The following GPR158 variants were observed in gnomAD, a reference collection of about 807,000 sequenced individuals.
GPR158 encodes G protein-coupled receptor 158.
GPR158 carries 30 observed loss-of-function variants against 78.2 expected under a neutral mutation model. That is an observed-to-expected ratio of 0.38 (90% confidence interval 0.29 to 0.52). GPR158 has a LOEUF of 0.52. Among genes scored for constraint, GPR158 ranks in the 20% least tolerant of loss-of-function variants. The probability of loss-of-function intolerance (pLI) is 0.83; values close to 1 mark genes in which losing one functional copy is unlikely to be tolerated. For missense variants in GPR158, 1,463 were observed against 1,523.5 expected, an observed-to-expected ratio of 0.96 and a Z score of 0.66; for synonymous variants, 581 against 591.1, an observed-to-expected ratio of 0.98 and a Z score of 0.25.
chr10:25,301,223 G>T (rs896571557), intron 2 of GPR158, among the ~76,000 whole-genome samples: 1 of 152,140 alleles, frequency 6.6e-6, no homozygotes. Context: ...ATTCTGTAAG[G>T]TTTTTCAACG....
At chr10:25,247,922 A>G (rs1373614387) in intron 2 of GPR158, among the ~76,000 whole-genome samples, 5 of 149,056 alleles carry the variant, frequency 3.4e-5, no homozygotes, top group Non-Finnish European at 6.0e-5. Flanking sequence ...ACTAGTTTAC[A>G]GTCCCACCAA....
At chr10:25,442,574 A>T (rs1835082683) in intron 4 of GPR158, among the ~76,000 whole-genome samples, 1 of 151,900 alleles carries the variant, frequency 6.6e-6, no homozygotes, top group Non-Finnish European at 1.5e-5. Context: ...CAGTATATTA[A>T]TACGTCAGTA....
chr10:25,326,166 C>T (rs571169699), intron 2 of GPR158, among the ~76,000 whole-genome samples: 2 of 152,246 alleles, frequency 1.3e-5, no homozygotes, highest in South Asian at 4.1e-4. Context: ...TCTCATTGTT[C>T]AGCGACCATT....
intron 5 of GPR158, among the ~76,000 whole-genome samples, chr10:25,521,860 C>A (rs1445006075): frequency 6.6e-6 from 1 of 152,046 alleles, no homozygotes; most frequent in African/African-American, 2.4e-5. Flanking sequence ...AAAACTGCTG[C>A]CAAAAGGTAT....
intron 4 of GPR158, among the ~76,000 whole-genome samples, chr10:25,456,048 T>A (rs1284655891): frequency 7.2e-5 from 11 of 152,218 alleles, no homozygotes; most frequent in Non-Finnish European, 8.8e-5. Flanking sequence ...GTTTTCATCA[T>A]CTTTGCATCT....
intron 5 of GPR158, among the ~76,000 whole-genome samples, chr10:25,525,897 A>C (rs1023021023): frequency 1.3e-5 from 2 of 152,090 alleles, no homozygotes; most frequent in African/African-American, 4.8e-5. Flanking sequence ...ACCTGAGGTC[A>C]GGAGTTCGAG....
rs547410603 is a variant in GPR158 at position 25,329,657 on chromosome 10, T to C, written c.1009-66254T>C. Among the ~76,000 whole-genome samples, 13 of 151,782 alleles carry C rather than the reference T, an allele frequency of 8.6e-5. No individual in the cohort carries two copies. The South Asian group carries it at 2.7e-3, about 32-fold the overall frequency. ...TATTCCAGAAAAACAAGAGTAAATG[T>C]GGATATTAAAGGAAATAAAGACAAA... On this transcript the variant is annotated intron_variant, in intron 2 of 10. Transcript: ENST00000376351.
chr10:25,362,003 G>A (rs555828780), intron 2 of GPR158, among the ~76,000 whole-genome samples: 1 of 151,826 alleles, frequency 6.6e-6, no homozygotes, highest in South Asian at 2.1e-4. Flanking sequence ...TTTATTTTTG[G>A]TTGTGTTGTC....
intron 2 of GPR158, among the ~76,000 whole-genome samples, chr10:25,374,251 G>GT (rs950117156): frequency 1.3e-4 from 19 of 151,082 alleles, no homozygotes; most frequent in African/African-American, 2.4e-4. Context: ...ATAATATGTA[G>GT]TTTTTTTTAT....
At chr10:25,431,022 T>G (rs1425955565) in intron 4 of GPR158, among the ~76,000 whole-genome samples, 3 of 145,642 alleles carry the variant, frequency 2.1e-5, no homozygotes, top group African/African-American at 7.6e-5. Context: ...GGGATCTAAT[T>G]AAATTAAAGA....
At chr10:25,337,354 A>C (rs944211057) in intron 2 of GPR158, among the ~76,000 whole-genome samples, 2 of 152,076 alleles carry the variant, frequency 1.3e-5, no homozygotes, top group Non-Finnish European at 2.9e-5. Flanking sequence ...CACATTTCTA[A>C]CACCATAGAT....
chr10:25,267,913 G>A (rs1854064690), intron 2 of GPR158, among the ~76,000 whole-genome samples: 1 of 151,980 alleles, frequency 6.6e-6, no homozygotes, highest in Non-Finnish European at 1.5e-5. Context: ...TAGATGGATG[G>A]ATATTTTACA....
chr10:25,352,623 AT>A (rs1855490909), intron 2 of GPR158, among the ~76,000 whole-genome samples: 1 of 152,066 alleles, frequency 6.6e-6, no homozygotes, highest in African/African-American at 2.4e-5. Flanking sequence ...CAAATTATGC[AT>A]GTTTTATAAG....
rs1027209589 is a variant in GPR158, at chr10:25,236,056, T to A, written c.1008+14899T>A. 2.0e-5 allele frequency among the ~76,000 whole-genome samples: 3 copies of A among 152,158 alleles called. 1 individual carries two copies. The highest frequency in any genetic ancestry group is 7.2e-5 in the African/African-American group (3 of 41,434). On this transcript the variant is annotated intron_variant, in intron 2 of 10. Transcript: ENST00000376351. ...CCATAGCACTTTGTATGCTTGCAGT[T>A]ATTATTTATAATTGTTTGTTTGTAT... is the stretch of plus-strand genomic sequence containing the variant.
Position 25,221,267 on chromosome 10 carries a change from A to T in GPR158, c.1008+110A>T, listed in dbSNP as rs1367790379. The T allele has an allele frequency of 6.6e-6, 4 of 609,578 alleles. No homozygotes were observed. The East Asian group carries it at 8.6e-5, about 13-fold the overall frequency. The allele number at this position is 609,578 out of a possible 1,614,324, so 37.8% of individuals were successfully genotyped here. A position where few individuals can be genotyped will look rare whatever the true frequency, so the allele number is the denominator to read the frequency against. ...AGGCATCTTACTGGGAAGAAAATCT[A>T]TGTAGGTCTCAGTGCTGCCAAATGA... On this transcript the variant is annotated intron_variant, in intron 2 of 10. Transcript: ENST00000376351.
intron 2 of GPR158, among the ~76,000 whole-genome samples, chr10:25,332,477 A>G (rs1196974096): frequency 6.6e-6 from 1 of 152,004 alleles, no homozygotes; most frequent in Non-Finnish European, 1.5e-5. Context: ...CTAGCTCTTT[A>G]TTTTCTGATA....
At chr10:25,257,085 T>C (rs531441525) in intron 2 of GPR158, among the ~76,000 whole-genome samples, 1 of 152,284 alleles carries the variant, frequency 6.6e-6, no homozygotes, top group Non-Finnish European at 1.5e-5. Flanking sequence ...ATTTGGCTCA[T>C]AGTTTTGGAG....
chr10:25,368,603 A>G (rs1833935830), intron 2 of GPR158, among the ~76,000 whole-genome samples: 1 of 151,862 alleles, frequency 6.6e-6, no homozygotes, highest in African/African-American at 2.4e-5. Context: ...GTGAGGTTGC[A>G]GAGAAAAAGG....
chr10:25,478,364 TAAAG>T (rs1419530271), intron 5 of GPR158, among the ~76,000 whole-genome samples: 6 of 152,162 alleles, frequency 3.9e-5, no homozygotes, highest in Admixed American at 1.3e-4. Flanking sequence ...AGAACAAAAT[TAAAG>T]AACACAATGA....
Sources: allele counts gnomAD v4.1 joint callset (sites outside exome capture counted in the v4.1 genomes callset), GRCh38; gene constraint gnomAD v4.1.1; transcripts MANE v1.5; gene names NCBI Gene and HGNC (gene_info 2026-07-23, HGNC 2026-07-21).